The following NKAIN2 variants were observed in gnomAD, a reference collection of about 807,000 sequenced individuals.
The protein encoded by NKAIN2 is sodium/potassium transporting ATPase interacting 2.
NKAIN2 carries 14 observed loss-of-function variants against 32.6 expected under a neutral mutation model. That is an observed-to-expected ratio of 0.43 (90% CI 0.28 to 0.67). The LOEUF (loss-of-function observed/expected upper bound fraction) is 0.67. Among genes scored for constraint, NKAIN2 ranks in the 30% least tolerant of loss-of-function variants. The probability of loss-of-function intolerance (pLI) is 0.17; values close to 1 mark genes in which losing one functional copy is unlikely to be tolerated. For synonymous variants in NKAIN2, 80 were observed against 87.2 expected (o/e 0.92, Z 0.46); for missense variants, 198 against 258.3 (o/e 0.77, Z 1.60).
chr6:124,496,562 T>C (rs543580445), intron 3 of NKAIN2, among the ~76,000 whole-genome samples: 1 of 152,172 alleles, frequency 6.6e-6, no homozygotes, highest in Admixed American at 6.5e-5. Flanking sequence ...TGTGATGAGT[T>C]CTAGCCCAGA....
chr6:124,440,079 C>T (rs1029844425), intron 3 of NKAIN2, among the ~76,000 whole-genome samples: 2 of 152,066 alleles, frequency 1.3e-5, no homozygotes, highest in Admixed American at 1.3e-4. Context: ...GAAGTCTAGA[C>T]ATTTATATTT....
chr6:124,672,837 T>C (rs1180898038), intron 4 of NKAIN2, among the ~76,000 whole-genome samples: 2 of 152,056 alleles, frequency 1.3e-5, no homozygotes, highest in African/African-American at 2.4e-5. Flanking sequence ...AGTTTCCTCA[T>C]CTGTAATAGG....
chr6:124,060,636 C>T (rs996874907), intron 1 of NKAIN2, among the ~76,000 whole-genome samples: 2 of 152,094 alleles, frequency 1.3e-5, no homozygotes, highest in African/African-American at 4.8e-5. Context: ...GCTATAAATC[C>T]ATTGCCTTGA....
chr6:124,680,037 A>G (rs1773541883), intron 4 of NKAIN2, among the ~76,000 whole-genome samples: 2 of 151,476 alleles, frequency 1.3e-5, no homozygotes, highest in South Asian at 4.2e-4. Flanking sequence ...AGCCACCAAA[A>G]TTTTCTTATA....
In NKAIN2 at chr6:124,412,815, G is replaced by T. The variant is rs542707000; in HGVS notation, c.273+57468G>T. On this transcript the variant is annotated intron_variant, in intron 3 of 6. Transcript: ENST00000368417. ...GGCAGGCCTCCTTGATCTGTGGTGGGCTCCACCCAGTTCGAGCTTCCTGGC... is the reference window on the plus strand; with the variant it reads ...GGCAGGCCTCCTTGATCTGTGGTGGTCTCCACCCAGTTCGAGCTTCCTGGC... Among the ~76,000 whole-genome samples the T allele has an allele frequency of 1.8e-3, 276 of 152,274 alleles. 1 individual carries two copies. Among genetic ancestry groups the T allele is most frequent in the Middle Eastern group, 0.01 (3 of 294 alleles).
rs117781106 is a variant in NKAIN2 at position 123,969,156 on chromosome 6, A to G, written c.54+164902A>G. ...TAAGATGCGGCTTTCAAAACTATCA[A>G]TTGTCTTCAGGTTTTTGCTCACTTT... On this transcript the variant is annotated intron_variant, in intron 1 of 6. Transcript: ENST00000368417. 1.2e-3 allele frequency among the ~76,000 whole-genome samples: 187 copies of G among 152,252 alleles called. 1 individual carries two copies. The highest frequency in any genetic ancestry group is 2.2e-3 in the Non-Finnish European group (147 of 68,016).
At chr6:123,884,238 G>A (rs1773608423) in intron 1 of NKAIN2, among the ~76,000 whole-genome samples, 2 of 152,030 alleles carry the variant, frequency 1.3e-5, no homozygotes, top group African/African-American at 4.8e-5. Flanking sequence ...TGTTGTAATG[G>A]ATAATGGACT....
rs1795069694 is a variant in NKAIN2 at position 124,277,094 on chromosome 6, T to C, written c.55-5911T>C. Reference sequence around the variant, plus strand: ...GTTTCCTGCTGAAGGAACAAAATTTTACATGAATCAAGGACGTAGTATTCA... The same window carrying C: ...GTTTCCTGCTGAAGGAACAAAATTTCACATGAATCAAGGACGTAGTATTCA... On this transcript the variant is annotated intron_variant, in intron 1 of 6. Coordinates refer to ENST00000368417, the MANE Select transcript of NKAIN2 (RefSeq NM_001040214.3). Among the ~76,000 whole-genome samples, 4 of 152,256 alleles carry C rather than the reference T, an allele frequency of 2.6e-5. No individual in the cohort carries two copies. The South Asian group carries it at 8.3e-4, about 32-fold the overall frequency.
intron 4 of NKAIN2, among the ~76,000 whole-genome samples, chr6:124,725,608 C>G (rs1300347921): frequency 6.6e-6 from 1 of 152,146 alleles, no homozygotes; most frequent in Non-Finnish European, 1.5e-5. Flanking sequence ...AAGAGTCTTC[C>G]AAATGATACA....
At chr6:124,267,481 T>TA (rs71541244) in intron 1 of NKAIN2, among the ~76,000 whole-genome samples, 34,384 of 97,484 alleles carry the variant, frequency 0.35, 6,063 homozygotes, top group African/African-American at 0.52. Flanking sequence ...ACCATGTCTC[T>TA]AAAAAAAAAA....
chr6:123,907,121 T>A (rs1040201707), intron 1 of NKAIN2, among the ~76,000 whole-genome samples: 3 of 152,206 alleles, frequency 2.0e-5, no homozygotes, highest in African/African-American at 7.2e-5. Context: ...ATCTGGGGTT[T>A]TATTTACTGC....
At chr6:124,649,502 A>T (rs1784291054) in intron 3 of NKAIN2, among the ~76,000 whole-genome samples, 1 of 152,198 alleles carries the variant, frequency 6.6e-6, no homozygotes, top group Non-Finnish European at 1.5e-5. Flanking sequence ...CACCAGACCT[A>T]GATAGGTTCA....
At chr6:123,830,482 G>A (rs1011726189) in intron 1 of NKAIN2, among the ~76,000 whole-genome samples, 6 of 151,988 alleles carry the variant, frequency 3.9e-5, no homozygotes, top group African/African-American at 4.8e-5. Context: ...GGTATTCTCC[G>A]TGCTACCCTC....
At chr6:124,564,681 G>A (rs1482092321) in intron 3 of NKAIN2, among the ~76,000 whole-genome samples, 2 of 152,168 alleles carry the variant, frequency 1.3e-5, no homozygotes, top group Non-Finnish European at 2.9e-5. Flanking sequence ...ACCCACCGGA[G>A]GGAACCAATC....
At chr6:124,799,311 C>G in intron 5 of NKAIN2, among the ~76,000 whole-genome samples, 1 of 152,168 alleles carries the variant, frequency 6.6e-6, no homozygotes, top group Admixed American at 6.5e-5. Context: ...AAATTGCTCC[C>G]TCTTGTGATC....
At chr6:124,096,858 C>CAAAA (rs60102766) in intron 1 of NKAIN2, among the ~76,000 whole-genome samples, 3 of 102,556 alleles carry the variant, frequency 2.9e-5, no homozygotes, top group African/African-American at 3.9e-5. Context: ...ACTCCGTCTC[C>CAAAA]AAAAAAAAAA....
At chr6:124,551,016 C>T (rs937945286) in intron 3 of NKAIN2, among the ~76,000 whole-genome samples, 2 of 152,074 alleles carry the variant, frequency 1.3e-5, no homozygotes, top group African/African-American at 4.8e-5. Flanking sequence ...TTGGGAAATT[C>T]GGGGGTCATA....
At chr6:124,304,850 A>C (rs116167780) in intron 2 of NKAIN2, among the ~76,000 whole-genome samples, 15,436 of 152,048 alleles carry the variant, frequency 0.1, 1,258 homozygotes, top group African/African-American at 0.22. Flanking sequence ...GGAGGTGGAG[A>C]CTGTAGTGAG....
At chr6:124,501,354 G>T (rs186826727) in intron 3 of NKAIN2, among the ~76,000 whole-genome samples, 1 of 152,154 alleles carries the variant, frequency 6.6e-6, no homozygotes, top group Non-Finnish European at 1.5e-5. Flanking sequence ...CTTAAATAAA[G>T]TGCATGAAGC....
Sources: gnomAD v4.1 joint callset for allele counts (sites outside exome capture counted in the v4.1 genomes callset) on GRCh38, gnomAD v4.1.1 for gene constraint, MANE v1.5 for transcripts, NCBI Gene and HGNC (gene_info 2026-07-23, HGNC 2026-07-21) for gene names.